The following TEK variants were observed in gnomAD, a reference collection of about 807,000 sequenced individuals.
TEK encodes angiopoietin-1 receptor.
In TEK, 43 loss-of-function variants were observed where a neutral mutation model predicts 131.8. That is an observed-to-expected ratio of 0.33 (90% CI 0.26 to 0.42). The LOEUF is 0.42. Among genes scored for constraint, TEK ranks in the 10% least tolerant of loss-of-function variants. The pLI is 1.00. For missense variants in TEK, 1,162 were observed against 1,384.4 expected (o/e 0.84, Z 2.55); for synonymous variants, 580 against 491.6 (o/e 1.18, Z -2.38).
chr9:27,180,135 A>C, intron 6 of TEK, 105 bp from the exon 7 acceptor site: 1 of 1,533,670 alleles, frequency 6.5e-7, no homozygotes, highest in Non-Finnish European at 9.0e-7. Context: ...TACACAAATC[A>C]GCAAAGTTGA....
intron 6 of TEK, among the ~76,000 whole-genome samples, chr9:27,176,041 G>A (rs1021474381): frequency 6.6e-6 from 1 of 152,128 alleles, no homozygotes; most frequent in African/African-American, 2.4e-5. Context: ...AAGATTTTAT[G>A]AATAGAACTG....
intron 15 of TEK, 80 bp from the exon 16 acceptor site, chr9:27,209,041 G>A: frequency 1.1e-6 from 1 of 923,272 alleles, no homozygotes; most frequent in Non-Finnish European, 1.8e-6. Context: ...GTAGCTGAAG[G>A]TTCTTAGGGG....
intron 1 of TEK, among the ~76,000 whole-genome samples, chr9:27,129,187 G>C (rs933897926): frequency 3.9e-5 from 6 of 152,166 alleles, no homozygotes; most frequent in Non-Finnish European, 7.3e-5. Context: ...TAGCATGAAA[G>C]GGTGTTGAAT....
chr9:27,208,995 A>T (rs937539229), intron 15 of TEK, 126 bp from the exon 16 acceptor site: 1 of 713,286 alleles, frequency 1.4e-6, no homozygotes, highest in Non-Finnish European at 2.6e-6. Flanking sequence ...CTTTAGAGTA[A>T]TCTCTTTGGT....
chr9:27,188,715 T>A (rs1824692848), intron 9 of TEK, among the ~76,000 whole-genome samples: 1 of 152,178 alleles, frequency 6.6e-6, no homozygotes, highest in Non-Finnish European at 1.5e-5. Context: ...CAATAGAATT[T>A]ACTTTAGGCC....
At chr9:27,217,629 C>G in intron 18 of TEK, 59 bp from the exon 19 acceptor site, 7 of 1,504,846 alleles carry the variant, frequency 4.7e-6, no homozygotes, top group Non-Finnish European at 6.5e-6. Flanking sequence ...CTCAGGCAGG[C>G]TGAGAGCCTC....
rs149684174 is a variant in TEK at position 27,190,547 on chromosome 9, A to G, written c.1346A>G (p.Asn449Ser). The change falls in exon 10 of 23, where the codon AAT (asparagine) becomes AGT (serine). Residue 449 changes from asparagine (N) to serine (S), a missense_variant. Asn to Ser is a conservative substitution (Grantham distance 46). Coordinates refer to ENST00000380036, the MANE Select transcript of TEK (RefSeq NM_000459.5). The stretch of plus-strand genomic sequence containing the variant: ...TATTTAGTTCTTCCAAAGCCCCTGA[A>G]TGCCCCAAACGTGATTGACACTGGA... ...ISVKVLPKPL[N>S]APNVIDTGHN... 6.3e-4 allele frequency: 1,009 copies of G among 1,614,016 alleles called. 5 individuals are homozygous for G. The African/African-American group carries it at 0.011, about 17-fold the overall frequency.
rs149156797 is a variant in TEK at position 27,219,059 on chromosome 9, C to T, written c.3103+242C>T. On this transcript the variant is annotated intron_variant, in intron 20 of 22. Transcript: ENST00000380036. ...AACTTTATTATATATTAATTGGCTCCGCTTGTACAAGTTGCCAGGTTAACT... is the reference window on the plus strand; with the variant it reads ...AACTTTATTATATATTAATTGGCTCTGCTTGTACAAGTTGCCAGGTTAACT... 8.7e-3 allele frequency among the ~76,000 whole-genome samples: 964 copies of T among 110,760 alleles called. 8 individuals carry two copies. The highest frequency in any genetic ancestry group is 0.034 in the African/African-American group (892 of 25,992). 72.7% of individuals were successfully genotyped at this position (110,760 alleles called of 152,430 possible).
At chr9:27,109,686 CAG>C in intron 1 of TEK, 44 bp downstream of exon 1, 8 of 1,600,448 alleles carry the variant, frequency 5.0e-6, no homozygotes, top group East Asian at 2.2e-5. Context: ...TTTTAAAAAA[CAG>C]AGTTAGTGAT....
intron 16 of TEK, among the ~76,000 whole-genome samples, chr9:27,212,241 G>A (rs10812535): frequency 0.33 from 50,278 of 151,922 alleles, 9,260 homozygotes; most frequent in East Asian, 0.58. Flanking sequence ...CCTTCCACAT[G>A]GATATTTAAT....
intron 1 of TEK, among the ~76,000 whole-genome samples, chr9:27,147,534 C>T (rs1215701477): frequency 6.6e-6 from 1 of 151,178 alleles, no homozygotes; most frequent in Non-Finnish European, 1.5e-5. Flanking sequence ...ATGGTTTGTC[C>T]TTTTATTTTC....
Position 27,180,394 on chromosome 9 carries a change from G to A in TEK, c.1030+26G>A, listed in dbSNP as rs144863798. On this transcript the variant is annotated intron_variant, in intron 7 of 22. Transcript: ENST00000380036. Reference sequence around the variant, plus strand: ...GTAAAGCAAGGTAACACTGTAGTCAGGGCCATGTTCAGCATGTCTGAACTG... The same window carrying A: ...GTAAAGCAAGGTAACACTGTAGTCAAGGCCATGTTCAGCATGTCTGAACTG... The A allele has an allele frequency of 3.9e-4, 629 of 1,607,052 alleles. 3 individuals carry two copies. The East Asian group carries it at 0.013, about 32-fold the overall frequency.
At position 27,212,711 on chromosome 9, in the gene TEK, C is replaced by G; in HGVS notation, c.2691C>G (p.Tyr897Ter). The part of the protein sequence containing the change: ...NLLGACEHRG[Y>*]LYLAIEYAPH... ...TGCTCTCTTCCTTCCCTCCAGGCTA[C>G]TTGTACCTGGCCATTGAGTACGCGC... is the stretch of plus-strand genomic sequence containing the variant. Residue 897 changes from tyrosine (Y) to a stop codon, truncating the protein, a stop_gained, in exon 17 of 23, where the codon TAC becomes TAG. Coordinates refer to ENST00000380036, the MANE Select transcript of TEK (RefSeq NM_000459.5). LOFTEE classifies it high-confidence loss of function. The G allele has an allele frequency of 6.2e-7, 1 of 1,614,122 alleles. No individual in the cohort carries two copies. The highest frequency in any genetic ancestry group is 8.5e-7 in the Non-Finnish European group (1 of 1,180,006).
intron 1 of TEK, among the ~76,000 whole-genome samples, chr9:27,129,034 G>T (rs1822109186): frequency 6.6e-6 from 1 of 152,146 alleles, no homozygotes; most frequent in Non-Finnish European, 1.5e-5. Flanking sequence ...TGGTGACAGA[G>T]GGCATCCTTG....
intron 18 of TEK, among the ~76,000 whole-genome samples, chr9:27,214,005 A>C (rs1825725821): frequency 6.6e-6 from 1 of 152,244 alleles, no homozygotes. Flanking sequence ...ATGGTTTCTA[A>C]ATCACCAGGA....
At chr9:27,222,342 A>C (rs943993061) in intron 21 of TEK, among the ~76,000 whole-genome samples, 5 of 152,220 alleles carry the variant, frequency 3.3e-5, no homozygotes, top group South Asian at 2.1e-4. Context: ...GCCAACATTC[A>C]AATTCACAAA....
At chr9:27,224,981 A>G (rs573044359) in intron 21 of TEK, among the ~76,000 whole-genome samples, 5 of 152,370 alleles carry the variant, frequency 3.3e-5, no homozygotes, top group Admixed American at 2.0e-4. Context: ...ACAGAGAGCC[A>G]AACCATGAGT....
chr9:27,217,649 C>A (rs200881802), intron 18 of TEK, 39 bp from the exon 19 acceptor site: 2 of 1,599,408 alleles, frequency 1.3e-6, no homozygotes, highest in African/African-American at 2.7e-5. Context: ...CTTAAAGACC[C>A]TGTCCCAGTT....
intron 8 of TEK, among the ~76,000 whole-genome samples, chr9:27,183,903 G>T (rs1312287683): frequency 6.6e-6 from 1 of 152,200 alleles, no homozygotes; most frequent in East Asian, 1.9e-4. Flanking sequence ...CTGGTATGGG[G>T]AGAAGTACGT....
Sources: gnomAD v4.1 joint callset for allele counts (sites outside exome capture counted in the v4.1 genomes callset) on GRCh38, gnomAD v4.1.1 for gene constraint, MANE v1.5 for transcripts, NCBI Gene and HGNC (gene_info 2026-07-23, HGNC 2026-07-21) for gene names.